The following SPART variants were observed in gnomAD, a reference collection of about 807,000 sequenced individuals.
The protein encoded by SPART is spastic paraplegia 20 (Troyer syndrome).
In SPART, 35 loss-of-function variants were observed where a neutral mutation model predicts 58.7. The ratio of observed to expected loss-of-function variants is 0.60; its 90% CI spans 0.46 to 0.79. The LOEUF is 0.79. Among genes scored for constraint, SPART ranks in the 30% least tolerant of loss-of-function variants. The pLI, the probability that SPART is intolerant of heterozygous loss-of-function variation, is 0.00. For synonymous variants in SPART, 284 were observed against 280.7 expected (o/e 1.01, Z -0.12); for missense variants, 730 against 786.1 (o/e 0.93, Z 0.85).
At chr13:36,304,797 A>G (rs1342086529) in intron 8 of SPART, among the ~76,000 whole-genome samples, 165 bp from the exon 9 acceptor site, 3 of 152,222 alleles carry the variant, frequency 2.0e-5, no homozygotes, top group South Asian at 2.1e-4. Context: ...AGAGAATGAA[A>G]TCACACTCTG....
intron 1 of SPART, among the ~76,000 whole-genome samples, chr13:36,338,540 T>G (rs538720772): frequency 6.6e-6 from 1 of 152,282 alleles, no homozygotes; most frequent in East Asian, 1.9e-4. Context: ...ATTTACAAAT[T>G]AGCACCCTCA....
chr13:36,319,166 C>T (rs1451186561), intron 5 of SPART, among the ~76,000 whole-genome samples: 1 of 149,578 alleles, frequency 6.7e-6, no homozygotes, highest in Non-Finnish European at 1.5e-5. Context: ...CTTTTAAGCA[C>T]TCCTTTTTAG....
upstream of SPART, among the ~76,000 whole-genome samples, chr13:36,348,610 C>T (rs200320538): frequency 1.2e-5 from 1 of 86,592 alleles, no homozygotes; most frequent in East Asian, 8.4e-4. Flanking sequence ...ATAATATTAT[C>T]AAGAAGAATA....
At chr13:36,361,385 A>C (rs192514950) in intron 1 of SPART, among the ~76,000 whole-genome samples, 148 of 152,214 alleles carry the variant, frequency 9.7e-4, no homozygotes, top group Non-Finnish European at 7.9e-4. Context: ...ATCGCTTTGC[A>C]TCATTCTTTT....
At chr13:36,324,706 A>G (rs1258949609) in intron 5 of SPART, among the ~76,000 whole-genome samples, 1 of 152,248 alleles carries the variant, frequency 6.6e-6, no homozygotes, top group Non-Finnish European at 1.5e-5. Flanking sequence ...TGAAGAGACC[A>G]CCAAACAGGC....
chr13:36,345,052 CTCACT>C (rs1179239194), intron 1 of SPART, among the ~76,000 whole-genome samples: 7 of 152,212 alleles, frequency 4.6e-5, no homozygotes, highest in Non-Finnish European at 8.8e-5. Context: ...AAGTAACACT[CTCACT>C]TAACAGTCAA....
chr13:36,336,783 C>A (rs1343728349), intron 1 of SPART, among the ~76,000 whole-genome samples: 2 of 152,148 alleles, frequency 1.3e-5, no homozygotes, highest in Admixed American at 1.3e-4. Flanking sequence ...TTAAAACAAC[C>A]CAAATGCTCA....
intron 5 of SPART, among the ~76,000 whole-genome samples, chr13:36,316,093 T>C (rs1881671337): frequency 6.6e-6 from 1 of 152,274 alleles, no homozygotes; most frequent in Non-Finnish European, 1.5e-5. Context: ...AGATTGATTC[T>C]GTTCATGTTT....
intron 1 of SPART, among the ~76,000 whole-genome samples, chr13:36,339,603 C>T (rs1362429338): frequency 9.3e-5 from 11 of 117,752 alleles, no homozygotes; most frequent in African/African-American, 3.6e-4. Context: ...TGCACTCCAG[C>T]CTGTTCACAG....
intron 5 of SPART, among the ~76,000 whole-genome samples, chr13:36,322,433 C>G (rs181261316): frequency 6.6e-6 from 1 of 150,996 alleles, no homozygotes; most frequent in East Asian, 1.9e-4. Flanking sequence ...GGTAACAGAG[C>G]GAGACTCTGT....
At chr13:36,315,535 A>T (rs1466446786) in intron 5 of SPART, among the ~76,000 whole-genome samples, 2 of 152,200 alleles carry the variant, frequency 1.3e-5, no homozygotes, top group Non-Finnish European at 2.9e-5. Context: ...ATGAAAAGTG[A>T]CATGTAATAA....
intron 1 of SPART, chr13:36,365,801 T>A (rs1429355560): frequency 3.4e-6 from 1 of 291,358 alleles, no homozygotes; most frequent in Admixed American, 5.1e-5. Flanking sequence ...ATGGGTGGAC[T>A]AAAGACCTAT....
In SPART at chr13:36,303,794, AG is replaced by A. The variant is rs1418008349; in HGVS notation, c.*570del. On this transcript the variant is annotated 3_prime_UTR_variant, in exon 9 of 9. Transcript: ENST00000438666. ...TCCTAACAAACAGGTAAGTTACAAA[AG>A]TAGTCCATTTTACTTTTCATCAGTC... The A allele has an allele frequency of 6.5e-6, 1 of 153,678 alleles. No individual in the cohort carries two copies. The highest frequency in any genetic ancestry group is 1.5e-5 in the Non-Finnish European group (1 of 68,814). The allele number at this position is 153,678 out of a possible 1,614,324, so 9.5% of individuals were successfully genotyped here.
intron 6 of SPART, 130 bp downstream of exon 6, chr13:36,314,097 G>A: frequency 6.3e-6 from 6 of 946,566 alleles, no homozygotes; most frequent in Non-Finnish European, 9.5e-6. Context: ...GAATAACAAA[G>A]AGAAACTGCT....
chr13:36,328,939 T>C (rs980620783), intron 4 of SPART, among the ~76,000 whole-genome samples: 2 of 151,982 alleles, frequency 1.3e-5, no homozygotes, highest in Non-Finnish European at 2.9e-5. Context: ...CTAATGCAAA[T>C]ATAAAAATAT....
intron 1 of SPART, among the ~76,000 whole-genome samples, chr13:36,366,157 A>C (rs1048015829): frequency 6.6e-6 from 1 of 152,214 alleles, no homozygotes; most frequent in African/African-American, 2.4e-5. Context: ...AAGGCCCTCC[A>C]TAAAATCTGG....
chr13:36,305,197 G>A (rs745562340), intron 8 of SPART, among the ~76,000 whole-genome samples: 7 of 152,090 alleles, frequency 4.6e-5, no homozygotes, highest in Non-Finnish European at 8.8e-5. Context: ...TAGGACCTTT[G>A]TACTGGCTGC....
chr13:36,331,540 A>G lies in SPART; in HGVS notation c.867T>C (p.Thr289=). The G allele has an allele frequency of 3.7e-6, 6 of 1,614,176 alleles. No homozygotes were observed. Among genetic ancestry groups the G allele is most frequent in the Non-Finnish European group, 5.1e-6 (6 of 1,180,028 alleles). The change falls in exon 3 of 9, where the codon ACT becomes ACC. Residue 289 remains threonine, a synonymous_variant. Transcript: ENST00000438666. The part of the protein sequence containing the change: ...VPDRSPVLKC[T]AGAYMFPDTM... ...TATCAGGAAACATGTAGGCTCCCGC[A>G]GTACATTTCAGAACCGGAGATCTAT... is the stretch of plus-strand genomic sequence containing the variant.
rs549957370 is a variant in SPART at position 36,314,247 on chromosome 13, G to A, written c.1463C>T (p.Ala488Val). ...YIAKQATGGA[A>V]KVSQFLVDGV... Reference sequence around the variant, plus strand: ...TTTACCCAGGAACTGACTGACTTTTGCTGCTCCTCCTGTAGCTTGCTTCGC... The same window carrying A: ...TTTACCCAGGAACTGACTGACTTTTACTGCTCCTCCTGTAGCTTGCTTCGC... The change falls in exon 6 of 9, where the codon GCA (alanine) becomes GTA (valine). Residue 488 changes from alanine to valine, a missense_variant. Physicochemically the swap from Ala to Val is moderately conservative, Grantham distance 64. Transcript: ENST00000438666. 1 of 1,614,000 alleles carries A rather than the reference G, an allele frequency of 6.2e-7. No homozygotes were observed. Among genetic ancestry groups the A allele is most frequent in the South Asian group, 1.1e-5 (1 of 91,066 alleles).
Sources: gnomAD v4.1 joint callset for allele counts (sites outside exome capture counted in the v4.1 genomes callset) on GRCh38, gnomAD v4.1.1 for gene constraint, MANE v1.5 for transcripts, NCBI Gene and HGNC (gene_info 2026-07-23, HGNC 2026-07-21) for gene names.